Variants in CSNK2A1 observed in about 807,000 individuals in gnomAD.
CSNK2A1 encodes casein kinase II subunit alpha.
A neutral mutation model predicts 62.9 loss-of-function variants in CSNK2A1; 10 were observed. The observed-to-expected ratio is 0.16, with a 90% CI of 0.10 to 0.27. The LOEUF (loss-of-function observed/expected upper bound fraction) is 0.27. Among genes scored for constraint, CSNK2A1 ranks in the 10% least tolerant of loss-of-function variants. The pLI, the probability that CSNK2A1 is intolerant of heterozygous loss-of-function variation, is 1.00. For synonymous variants in CSNK2A1, 124 were observed against 167.8 expected (o/e 0.74, Z 2.02); for missense variants, 160 against 492.0 (o/e 0.33, Z 6.38).
chr20:514,220 T>C (rs1568540547), intron 2 of CSNK2A1, among the ~76,000 whole-genome samples: 1 of 151,776 alleles, frequency 6.6e-6, no homozygotes. Flanking sequence ...GGAGTACAAC[T>C]GTGGTCCCAG....
rs181639670 is a variant in CSNK2A1 at position 510,380 on chromosome 20, G to A, written c.-109-1720C>T. The A allele has an allele frequency of 8.1e-3, 1,239 of 152,176 alleles. 8 individuals carry two copies. Among genetic ancestry groups the A allele is most frequent in the Non-Finnish European group, 0.012 (829 of 68,044 alleles). The allele number at this position is 152,176 out of a possible 1,614,324, so 9.4% of individuals were successfully genotyped here. ...AGTAGAGATAGGGTTTCTCTATGTTGGTCAGGCTGGTCTCAAACTCCCGAC... is the reference window on the plus strand; with the variant it reads ...AGTAGAGATAGGGTTTCTCTATGTTAGTCAGGCTGGTCTCAAACTCCCGAC... On this transcript the variant is annotated intron_variant, in intron 2 of 13. Transcript: ENST00000217244.
chr20:483,867 A>G lies in CSNK2A1; in HGVS notation c.*94T>C. ...CAACGGTTCAGACACGGTGCTTCTG[A>G]AGTGTTTCACCCCTCCCCGCCAGGC... On this transcript the variant is annotated 3_prime_UTR_variant, in exon 14 of 14. Coordinates refer to ENST00000217244, the MANE Select transcript of CSNK2A1 (RefSeq NM_177559.3). 3 of 1,243,706 alleles carry G rather than the reference A, an allele frequency of 2.4e-6. No homozygotes were observed. Among genetic ancestry groups the G allele is most frequent in the Non-Finnish European group, 3.2e-6 (3 of 938,534 alleles). 77.0% of individuals were successfully genotyped at this position (1,243,706 alleles called of 1,614,324 possible). A position where few individuals can be genotyped will look rare whatever the true frequency, so the allele number is the denominator to read the frequency against.
intron 3 of CSNK2A1, chr20:506,968 A>G (rs1172007394): frequency 6.6e-6 from 1 of 152,218 alleles, no homozygotes; most frequent in Non-Finnish European, 1.5e-5. Flanking sequence ...AGCCTGTGAC[A>G]TAAGAGGAGA....
At chr20:531,112 G>C (rs943664760) in intron 1 of CSNK2A1, among the ~76,000 whole-genome samples, 5 of 151,982 alleles carry the variant, frequency 3.3e-5, no homozygotes, top group Non-Finnish European at 5.9e-5. Context: ...GTATTAAGGT[G>C]AATTATGTAT....
chr20:507,988 A>G (rs73569078), intron 3 of CSNK2A1: 4,460 of 153,848 alleles, frequency 0.029, 78 homozygotes, highest in South Asian at 0.048. Flanking sequence ...CCTAGGATAC[A>G]AATGTGTACC....
At chr20:501,733 T>C (rs183166426) in intron 4 of CSNK2A1, 2 of 152,296 alleles carry the variant, frequency 1.3e-5, no homozygotes, top group Admixed American at 1.3e-4. Flanking sequence ...GCACTGCATA[T>C]AACTCTTAGA....
intron 2 of CSNK2A1, among the ~76,000 whole-genome samples, chr20:525,422 G>A (rs1381414899): frequency 6.6e-6 from 1 of 152,064 alleles, no homozygotes; most frequent in Non-Finnish European, 1.5e-5. Flanking sequence ...GGAGGCTGAG[G>A]CGGGCGGATC....
At chr20:510,670 C>T (rs924168927) in intron 2 of CSNK2A1, among the ~76,000 whole-genome samples, 5 of 152,136 alleles carry the variant, frequency 3.3e-5, no homozygotes, top group South Asian at 2.1e-4. Context: ...GGTAAACGTG[C>T]GTAAAGGGAA....
chr20:508,404 G>C (rs758265310), intron 3 of CSNK2A1, 47 bp downstream of exon 3: 28 of 1,598,870 alleles, frequency 1.8e-5, no homozygotes, highest in Non-Finnish European at 1.5e-5. Flanking sequence ...AGATCCACAA[G>C]ATTCAGCCCT....
At chr20:508,871 T>C (rs1279916865) in intron 2 of CSNK2A1, among the ~76,000 whole-genome samples, 1 of 152,226 alleles carries the variant, frequency 6.6e-6, no homozygotes, top group Non-Finnish European at 1.5e-5. Context: ...GCTTTAATCA[T>C]ATTTTGCCAA....
At chr20:518,474 G>A (rs138586931) in intron 2 of CSNK2A1, among the ~76,000 whole-genome samples, 4 of 152,316 alleles carry the variant, frequency 2.6e-5, no homozygotes, top group African/African-American at 9.6e-5. Context: ...CCTGATATAA[G>A]CAAGCTCTCC....
chr20:497,371 C>T (rs1360896494), intron 7 of CSNK2A1, among the ~76,000 whole-genome samples: 1 of 152,156 alleles, frequency 6.6e-6, no homozygotes, highest in Non-Finnish European at 1.5e-5. Flanking sequence ...TGGTCTTGAT[C>T]TCCTGGCCTC....
intron 2 of CSNK2A1, among the ~76,000 whole-genome samples, chr20:523,538 G>T (rs2018992970): frequency 2.6e-5 from 4 of 152,160 alleles, no homozygotes; most frequent in Admixed American, 2.6e-4. Flanking sequence ...AATGAAATAA[G>T]CCAGTCTCAA....
chr20:537,448 C>T (rs2019358736), intron 1 of CSNK2A1, among the ~76,000 whole-genome samples: 2 of 151,944 alleles, frequency 1.3e-5, no homozygotes, highest in South Asian at 2.1e-4. Flanking sequence ...ACTGTGAATG[C>T]TTTCACCTTA....
intron 9 of CSNK2A1, among the ~76,000 whole-genome samples, chr20:491,613 G>C (rs957251605): frequency 4.6e-5 from 7 of 152,206 alleles, no homozygotes; most frequent in Admixed American, 3.3e-4. Context: ...CGGGGCTGCA[G>C]TCAGCTATGA....
chr20:477,618 T>C lies in CSNK2A1; in HGVS notation c.*6343A>G, dbSNP rs1046542542. ...AAAGCCCGGGAGTCTGTGTCCTATCTCCCTGGGGGCATTCAAACCCTAGTC... is the reference window on the plus strand; with the variant it reads ...AAAGCCCGGGAGTCTGTGTCCTATCCCCCTGGGGGCATTCAAACCCTAGTC... On this transcript the variant is annotated 3_prime_UTR_variant, in exon 14 of 14. Coordinates refer to ENST00000217244, the MANE Select transcript of CSNK2A1 (RefSeq NM_177559.3). The C allele has an allele frequency of 6.6e-6, 1 of 152,248 alleles. No homozygotes were observed. The highest frequency in any genetic ancestry group is 1.5e-5 in the Non-Finnish European group (1 of 68,108). The allele number at this position is 152,248 out of a possible 1,614,324, so 9.4% of individuals were successfully genotyped here. A position where few individuals can be genotyped will look rare whatever the true frequency, so the allele number is the denominator to read the frequency against.
Position 483,763 on chromosome 20 carries a change from G to T in CSNK2A1, c.*198C>A. On this transcript the variant is annotated 3_prime_UTR_variant, in exon 14 of 14. Coordinates refer to ENST00000217244, the MANE Select transcript of CSNK2A1 (RefSeq NM_177559.3). ...GAATCCCCTGAGTTATGAAAAGTTC[G>T]AGTTAAAAAAAAAAAGAAAAAAGAA... 2.7e-6 allele frequency: 1 copy of T among 374,280 alleles called. No homozygotes were observed. Among genetic ancestry groups the T allele is most frequent in the Non-Finnish European group, 4.6e-6 (1 of 216,560 alleles). The allele number at this position is 374,280 out of a possible 1,614,324, so 23.2% of individuals were successfully genotyped here.
At chr20:515,247 G>A (rs912639789) in intron 2 of CSNK2A1, among the ~76,000 whole-genome samples, 10 of 152,188 alleles carry the variant, frequency 6.6e-5, no homozygotes, top group Non-Finnish European at 1.3e-4. Flanking sequence ...GGAAAATGCT[G>A]TATGAAGTGG....
At chr20:530,468 CT>C (rs779710774) in intron 1 of CSNK2A1, among the ~76,000 whole-genome samples, 626 of 135,076 alleles carry the variant, frequency 4.6e-3, no homozygotes, top group Middle Eastern at 0.011. Context: ...ACTTTTTTTC[CT>C]TTTTTTTTTT....
Sources: allele counts gnomAD v4.1 joint callset (sites outside exome capture counted in the v4.1 genomes callset), GRCh38; gene constraint gnomAD v4.1.1; transcripts MANE v1.5; gene names NCBI Gene and HGNC (gene_info 2026-07-23, HGNC 2026-07-21).